CAPN1: variants seen among roughly 807,000 people sequenced by gnomAD.
CAPN1 encodes the protein calpain-1 catalytic subunit.
CAPN1 carries 77 observed loss-of-function variants against 105.2 expected under a neutral mutation model. The observed-to-expected ratio is 0.73, with a 90% CI of 0.61 to 0.88. The LOEUF is 0.88. Ranked by LOEUF, CAPN1 falls within the 40% of genes least tolerant of loss-of-function variation. The pLI is 0.00. For synonymous variants in CAPN1, 355 were observed against 388.8 expected (o/e 0.91, Z 1.02); for missense variants, 833 against 976.6 (o/e 0.85, Z 1.96).
chr11:65,211,035 G>A (rs1238466526), intron 21 of CAPN1, 163 bp downstream of exon 21: 1 of 766,600 alleles, frequency 1.3e-6, no homozygotes, highest in East Asian at 2.6e-5. Flanking sequence ...GGGGGTGTCT[G>A]GATTCTGGGA....
intron 10 of CAPN1, among the ~76,000 whole-genome samples, chr11:65,190,319 C>G (rs1948700762): frequency 1.3e-5 from 2 of 152,222 alleles, no homozygotes; most frequent in Admixed American, 6.5e-5. Flanking sequence ...ACCACCCTCT[C>G]AAAGGTCACT....
At chr11:65,184,924 C>T (rs1008680861) in intron 4 of CAPN1, among the ~76,000 whole-genome samples, 8 of 152,088 alleles carry the variant, frequency 5.3e-5, no homozygotes, top group Middle Eastern at 6.8e-3. Flanking sequence ...GGCTCAGAGG[C>T]GATAACTTTT....
intron 10 of CAPN1, among the ~76,000 whole-genome samples, chr11:65,201,820 TG>T (rs1948875070): frequency 8.0e-6 from 1 of 125,562 alleles, no homozygotes; most frequent in Non-Finnish European, 1.9e-5. Context: ...GCCCGGCTTT[TG>T]TTTTTGTTTT....
chr11:65,195,135 G>A (rs1269662621), intron 10 of CAPN1, among the ~76,000 whole-genome samples: 2 of 134,758 alleles, frequency 1.5e-5, no homozygotes. Flanking sequence ...TTTGAGTCTG[G>A]ATCTTGCTCT....
intron 12 of CAPN1, 72 bp from the exon 13 acceptor site, chr11:65,206,391 G>C (rs1948957327): frequency 2.5e-6 from 3 of 1,198,048 alleles, no homozygotes; most frequent in Non-Finnish European, 3.7e-6. Flanking sequence ...CCTGGAGTCT[G>C]GGTCTGGGGG....
At chr11:65,204,452 G>A (rs1489459334) in intron 10 of CAPN1, among the ~76,000 whole-genome samples, 1 of 152,158 alleles carries the variant, frequency 6.6e-6, no homozygotes, top group African/African-American at 2.4e-5. Context: ...CAGTTGCTCT[G>A]CTCGCTAACC....
rs762252249 is a variant in CAPN1 at position 65,206,526 on chromosome 11, C to T, written c.1417C>T (p.Arg473Cys). Residue 473 changes from arginine to cysteine, a missense_variant, in exon 13 of 22, where the codon CGC becomes TGC. Coordinates refer to ENST00000279247, the MANE Select transcript of CAPN1 (RefSeq NM_005186.4). Reference sequence around the variant, plus strand: ...CTTCCTGGCCAATGCGTCTCGGGCGCGCTCAGAGCAGTTCATCAACCTGCG... The same window carrying T: ...CTTCCTGGCCAATGCGTCTCGGGCGTGCTCAGAGCAGTTCATCAACCTGCG... ...DFFLANASRA[R>C]SEQFINLREV... The T allele has an allele frequency of 6.2e-7, 1 of 1,613,416 alleles. No homozygotes were observed. Among genetic ancestry groups the T allele is most frequent in the East Asian group, 2.2e-5 (1 of 44,880 alleles).
chr11:65,186,463 G>T, intron 6 of CAPN1, 125 bp downstream of exon 6: 1 of 834,582 alleles, frequency 1.2e-6, no homozygotes, highest in Non-Finnish European at 1.8e-6. Context: ...TTCATCTCTG[G>T]ATGCATACCC....
chr11:65,182,604 T>G, intron 1 of CAPN1, 97 bp from the exon 2 acceptor site: 1 of 1,324,960 alleles, frequency 7.5e-7, no homozygotes. Flanking sequence ...GGTTTGGGGA[T>G]GGATAAGCAG....
intron 10 of CAPN1, among the ~76,000 whole-genome samples, chr11:65,195,095 T>C (rs1948772154): frequency 7.5e-6 from 1 of 132,718 alleles, no homozygotes; most frequent in South Asian, 2.4e-4. Flanking sequence ...CTGAAGTTTT[T>C]TGGGGTTTTT....
At position 65,209,397 on chromosome 11, in the gene CAPN1, C is replaced by G; in HGVS notation, c.1794+10C>G. 1 of 1,612,070 alleles carries G rather than the reference C, an allele frequency of 6.2e-7. No individual in the cohort carries two copies. Among genetic ancestry groups the G allele is most frequent in the East Asian group, 2.2e-5 (1 of 44,848 alleles). On this transcript the variant is annotated intron_variant, in intron 17 of 21. Transcript: ENST00000279247. The surrounding 1 kb of genome is among the most constrained non-coding windows in gnomAD (Gnocchi z 4.1). ...GGTGAACCTCATGGATGTATCCTTC[C>G]GTTTGCTTTTGTCTCCTGAGTGGGG...
chr11:65,184,393 G>A (rs894151287), intron 4 of CAPN1, among the ~76,000 whole-genome samples: 1 of 151,852 alleles, frequency 6.6e-6, no homozygotes, highest in Non-Finnish European at 1.5e-5. Flanking sequence ...CCTCCAATCC[G>A]CTCCTCCCTG....
intron 3 of CAPN1, 42 bp downstream of exon 3, chr11:65,183,239 G>T (rs756493235): frequency 6.4e-7 from 1 of 1,570,502 alleles, no homozygotes; most frequent in Non-Finnish European, 8.8e-7. Context: ...TTTTTCCACA[G>T]TAGTTCCCCA....
In CAPN1 at chr11:65,188,216, T is replaced by A; in HGVS notation, c.929+176T>A. The stretch of plus-strand genomic sequence containing the variant: ...AAAGCTCAGGCCGTGCGGGCCCCTG[T>A]GCCCAGCCGTCGGGTGTGTGCAGGG... On this transcript the variant is annotated intron_variant, in intron 8 of 21. Coordinates refer to ENST00000279247, the MANE Select transcript of CAPN1 (RefSeq NM_005186.4). The surrounding 1 kb of genome is among the most constrained non-coding windows in gnomAD (Gnocchi z 5.5). 7 of 684,194 alleles carry A rather than the reference T, an allele frequency of 1.0e-5. No individual in the cohort carries two copies. The South Asian group carries it at 1.3e-4, about 13-fold the overall frequency. The allele number at this position is 684,194 out of a possible 1,614,324, so 42.4% of individuals were successfully genotyped here. A position where few individuals can be genotyped will look rare whatever the true frequency, so the allele number is the denominator to read the frequency against.
rs1949024980 is a variant in CAPN1 at position 65,210,220 on chromosome 11, C to G, written c.1943-116C>G. The G allele has an allele frequency of 8.9e-7, 1 of 1,129,794 alleles. No homozygotes were observed. Among genetic ancestry groups the G allele is most frequent in the African/African-American group, 1.5e-5 (1 of 65,200 alleles). The allele number at this position is 1,129,794 out of a possible 1,614,324, so 70.0% of individuals were successfully genotyped here. A position where few individuals can be genotyped will look rare whatever the true frequency, so the allele number is the denominator to read the frequency against. On this transcript the variant is annotated intron_variant, in intron 19 of 21. Coordinates refer to ENST00000279247, the MANE Select transcript of CAPN1 (RefSeq NM_005186.4). The surrounding 1 kb of genome is among the most constrained non-coding windows in gnomAD (Gnocchi z 4.3). ...TGGTAACAGCCATCTTGTCCTTTTCCCCACGGTTACTAGCACCCTGCCTAG... is the reference window on the plus strand; with the variant it reads ...TGGTAACAGCCATCTTGTCCTTTTCGCCACGGTTACTAGCACCCTGCCTAG...
chr11:65,200,354 T>G (rs181821175), intron 10 of CAPN1, among the ~76,000 whole-genome samples: 1 of 151,714 alleles, frequency 6.6e-6, no homozygotes, highest in Non-Finnish European at 1.5e-5. Context: ...GCTTTGTTCT[T>G]TTTTTTTGGA....
chr11:65,188,754 G>A lies in CAPN1; in HGVS notation c.1165+8G>A. ...GCTGCCGAAACTACCCAGGTGCACA[G>A]GGGCGGGCTCTGGGTCTTGCTGCTT... is the stretch of plus-strand genomic sequence containing the variant. On this transcript the variant is annotated splice_region_variant and intron_variant, in intron 10 of 21. Coordinates refer to ENST00000279247, the MANE Select transcript of CAPN1 (RefSeq NM_005186.4). The surrounding 1 kb of genome is among the most constrained non-coding windows in gnomAD (Gnocchi z 5.5). 1.3e-6 allele frequency: 2 copies of A among 1,554,042 alleles called. No individual in the cohort carries two copies. Among genetic ancestry groups the A allele is most frequent in the Non-Finnish European group, 1.7e-6 (2 of 1,148,670 alleles).
chr11:65,184,449 AC>A, intron 4 of CAPN1, among the ~76,000 whole-genome samples: 1 of 150,426 alleles, frequency 6.6e-6, no homozygotes, highest in African/African-American at 2.4e-5. Flanking sequence ...ACTCTCCGCA[AC>A]CTGGGCTCCT....
intron 10 of CAPN1, among the ~76,000 whole-genome samples, chr11:65,203,093 C>A (rs1361052303): frequency 1.3e-5 from 2 of 152,144 alleles, no homozygotes; most frequent in Non-Finnish European, 2.9e-5. Flanking sequence ...AAATAATATC[C>A]CATTGTTTGG....
Sources: gnomAD v4.1 joint callset for allele counts (sites outside exome capture counted in the v4.1 genomes callset) on GRCh38, gnomAD v4.1.1 for gene constraint, Gnocchi (gnomAD v3.1) non-coding constraint, MANE v1.5 for transcripts, NCBI Gene and HGNC (gene_info 2026-07-23, HGNC 2026-07-21) for gene names.